The following XRCC4 variants were observed in gnomAD, a reference collection of about 807,000 sequenced individuals.
The protein encoded by XRCC4 is DNA repair protein XRCC4.
Under a neutral mutation model 39.1 loss-of-function variants are expected in XRCC4, and 28 were observed. That is an observed-to-expected ratio of 0.72 (90% CI 0.53 to 0.98). XRCC4 has a LOEUF of 0.98. XRCC4 is among the 50% of genes least tolerant of loss of function. XRCC4 has a pLI of 0.00. For missense variants in XRCC4, 350 were observed against 376.4 expected, an observed-to-expected ratio of 0.93 and a Z score of 0.58; for synonymous variants, 123 against 126.4, an observed-to-expected ratio of 0.97 and a Z score of 0.18.
chr5:83,124,738 TGCTACAATG>T (rs1747177391), intron 3 of XRCC4, among the ~76,000 whole-genome samples: 1 of 152,238 alleles, frequency 6.6e-6, no homozygotes, highest in South Asian at 2.1e-4. Context: ...TGTACTTTTG[TGCTACAATG>T]GCAAAGTTGA....
the XRCC4 span, among the ~76,000 whole-genome samples, chr5:83,360,030 G>A: frequency 3.9e-5 from 6 of 152,056 alleles, no homozygotes; most frequent in Non-Finnish European, 8.8e-5. Flanking sequence ...TTATAAATAA[G>A]AAATGTCAAA....
At chr5:83,219,824 C>T (rs553180175) in intron 6 of XRCC4, among the ~76,000 whole-genome samples, 19 of 152,136 alleles carry the variant, frequency 1.2e-4, no homozygotes, top group African/African-American at 4.1e-4. Context: ...TAGTTAAACA[C>T]GTATTAATAT....
At position 83,278,567 on chromosome 5, in the gene XRCC4, T is replaced by C. The variant is rs1405736021; in HGVS notation, c.893+19890T>C. On this transcript the variant is annotated intron_variant, in intron 7 of 7. Transcript: ENST00000396027. The stretch of plus-strand genomic sequence containing the variant: ...AGACAAATGCTATGTCTTCCCATGA[T>C]GGAAGGCAGCAGCGCAAAAAAGCGC... Among the ~76,000 whole-genome samples, 3 of 152,220 alleles carry C rather than the reference T, an allele frequency of 2.0e-5. No homozygotes were observed. The East Asian group carries it at 5.8e-4, about 29-fold the overall frequency.
At chr5:83,301,698 A>G (rs575422977) in intron 7 of XRCC4, among the ~76,000 whole-genome samples, 222 of 152,212 alleles carry the variant, frequency 1.5e-3, no homozygotes, top group African/African-American at 5.1e-3. Context: ...TAGGGTTTTT[A>G]TGATTTTAGG....
chr5:83,351,156 C>T lies in XRCC4; in HGVS notation c.894-1975C>T, dbSNP rs374335067. ...TCTTACCCCCCGCTTCCTCCTTCTC[C>T]GGCCATGTAAGACGGGCCTGCTTCC... On this transcript the variant is annotated intron_variant, in intron 7 of 7. Coordinates refer to ENST00000396027, the MANE Select transcript of XRCC4 (RefSeq NM_003401.5). Among the ~76,000 whole-genome samples the T allele has an allele frequency of 3.1e-3, 476 of 152,246 alleles. 1 individual carries two copies. Among genetic ancestry groups the T allele is most frequent in the Middle Eastern group, 0.017 (5 of 294 alleles).
chr5:83,232,831 T>C (rs1293885338), intron 6 of XRCC4, among the ~76,000 whole-genome samples: 1 of 152,182 alleles, frequency 6.6e-6, no homozygotes, highest in African/African-American at 2.4e-5. Context: ...TTGCTTTATA[T>C]AATTTATCTC....
At chr5:83,258,457 A>G (rs561514103) in intron 6 of XRCC4, 73 bp from the exon 7 acceptor site, 17 of 1,535,292 alleles carry the variant, frequency 1.1e-5, no homozygotes, top group Non-Finnish European at 1.5e-5. Flanking sequence ...GTCAATGCTA[A>G]AACAGCAAGT....
chr5:83,212,951 A>T (rs1324220749), intron 6 of XRCC4, among the ~76,000 whole-genome samples: 2 of 128,602 alleles, frequency 1.6e-5, no homozygotes, highest in African/African-American at 2.6e-5. Flanking sequence ...ACACCAAAAT[A>T]AAAAAAAAAA....
At chr5:83,351,414 T>C (rs1757079104) in intron 7 of XRCC4, among the ~76,000 whole-genome samples, 1 of 152,206 alleles carries the variant, frequency 6.6e-6, no homozygotes, top group Non-Finnish European at 1.5e-5. Flanking sequence ...TTTCTTACTT[T>C]TAATTGAGAT....
intron 7 of XRCC4, among the ~76,000 whole-genome samples, chr5:83,271,033 A>G (rs1339764626): frequency 6.6e-6 from 1 of 152,104 alleles, no homozygotes; most frequent in Non-Finnish European, 1.5e-5. Flanking sequence ...TTAATCAACT[A>G]CTAACTAAAA....
At chr5:83,131,747 A>C (rs1747597212) in intron 3 of XRCC4, among the ~76,000 whole-genome samples, 1 of 150,848 alleles carries the variant, frequency 6.6e-6, no homozygotes, top group African/African-American at 2.4e-5. Flanking sequence ...ATCTTCCTTC[A>C]TCCCTTTATT....
intron 3 of XRCC4, among the ~76,000 whole-genome samples, chr5:83,171,067 C>G (rs959573803): frequency 6.6e-6 from 1 of 152,106 alleles, no homozygotes; most frequent in Non-Finnish European, 1.5e-5. Context: ...TAAATTCACT[C>G]TAATAGACCT....
intron 6 of XRCC4, among the ~76,000 whole-genome samples, chr5:83,221,791 T>C (rs1410148289): frequency 6.6e-6 from 1 of 151,750 alleles, no homozygotes; most frequent in Non-Finnish European, 1.5e-5. Context: ...ATATTAAATG[T>C]CCATTTAGAC....
chr5:83,096,947 G>A (rs1355762392), intron 1 of XRCC4, among the ~76,000 whole-genome samples: 7 of 152,142 alleles, frequency 4.6e-5, no homozygotes, highest in African/African-American at 1.7e-4. Context: ...GATCTGCATG[G>A]CCCCTGGATA....
chr5:83,350,205 A>C (rs530010580), intron 7 of XRCC4, among the ~76,000 whole-genome samples: 1 of 152,332 alleles, frequency 6.6e-6, no homozygotes, highest in African/African-American at 2.4e-5. Context: ...GCTGTTGTGA[A>C]TAGTGCTGCA....
At chr5:83,266,485 G>C (rs1753958874) in intron 7 of XRCC4, among the ~76,000 whole-genome samples, 2 of 151,488 alleles carry the variant, frequency 1.3e-5, no homozygotes, top group Non-Finnish European at 2.9e-5. Flanking sequence ...ACAGATGTCA[G>C]CAAATGGAAG....
chr5:83,204,404 C>T (rs147760231), intron 5 of XRCC4, among the ~76,000 whole-genome samples: 1 of 152,172 alleles, frequency 6.6e-6, no homozygotes, highest in East Asian at 1.9e-4. Flanking sequence ...TTGGACAAGT[C>T]ACTTTATCTT....
At chr5:83,273,360 A>G (rs1288904848) in intron 7 of XRCC4, among the ~76,000 whole-genome samples, 1 of 152,132 alleles carries the variant, frequency 6.6e-6, no homozygotes, top group African/African-American at 2.4e-5. Flanking sequence ...ATTTTCTCCC[A>G]TTCTGTAGGT....
intron 7 of XRCC4, among the ~76,000 whole-genome samples, chr5:83,350,960 C>G (rs955758778): frequency 6.6e-6 from 1 of 151,944 alleles, no homozygotes; most frequent in African/African-American, 2.4e-5. Context: ...AAAGGTAGGG[C>G]AATATGGTTT....
Sources: allele counts gnomAD v4.1 joint callset (sites outside exome capture counted in the v4.1 genomes callset), GRCh38; gene constraint gnomAD v4.1.1; transcripts MANE v1.5; gene names NCBI Gene and HGNC (gene_info 2026-07-23, HGNC 2026-07-21).